Variants in TMEM14A observed in about 807,000 individuals in gnomAD.
TMEM14A encodes transmembrane protein 14A.
In TMEM14A, 8 loss-of-function variants were observed where a neutral mutation model predicts 11.6. That is an observed-to-expected ratio of 0.69 (90% CI 0.40 to 1.24). The LOEUF (loss-of-function observed/expected upper bound fraction) is 1.24, where lower values mean the gene tolerates loss of function less well. TMEM14A is among the 50% of genes most tolerant of loss of function. TMEM14A has a pLI of 0.01. For missense variants in TMEM14A, 108 were observed against 121.9 expected (o/e 0.89, Z 0.54); for synonymous variants, 34 against 45.5 (o/e 0.75, Z 1.02).
chr6:52,682,819 C>T (rs1039674083), intron 3 of TMEM14A, among the ~76,000 whole-genome samples: 1 of 152,058 alleles, frequency 6.6e-6, no homozygotes, highest in Non-Finnish European at 1.5e-5. Context: ...TAATCTCTTA[C>T]ATAAAACTAC....
intron 1 of TMEM14A, among the ~76,000 whole-genome samples, chr6:52,674,551 C>G (rs1261690765): frequency 2.0e-5 from 3 of 152,154 alleles, no homozygotes; most frequent in Admixed American, 1.3e-4. Context: ...TGAGTTGATA[C>G]ACATAAGGCA....
intron 1 of TMEM14A, among the ~76,000 whole-genome samples, chr6:52,675,042 C>T (rs2749046): frequency 0.66 from 99,707 of 151,870 alleles, 34,520 homozygotes; most frequent in East Asian, 0.81. Context: ...ATGCCACGTC[C>T]GGGTAATTTG....
intron 4 of TMEM14A, among the ~76,000 whole-genome samples, chr6:52,684,922 A>G (rs777965382): frequency 5.3e-5 from 8 of 152,234 alleles, no homozygotes; most frequent in Non-Finnish European, 1.0e-4. Context: ...GAGATGTTTG[A>G]AAAAATGTTT....
intron 2 of TMEM14A, among the ~76,000 whole-genome samples, chr6:52,680,655 G>GTATATATATATA (rs1561875017): frequency 4.5e-4 from 4 of 8,832 alleles, no homozygotes; most frequent in Admixed American, 1.8e-3. Flanking sequence ...ATATATGTGT[G>GTATATATATATA]TGTATATATA....
rs145486905 is a variant in TMEM14A, at chr6:52,686,315, T to A, written c.*266T>A. 5 of 397,294 alleles carry A rather than the reference T, an allele frequency of 1.3e-5. No individual in the cohort carries two copies. The highest frequency in any genetic ancestry group is 8.2e-5 in the African/African-American group (4 of 48,692). 24.6% of individuals were successfully genotyped at this position (397,294 alleles called of 1,614,324 possible). ...ATTTGTTGTGTCTATTTTTTATATA[T>A]TTGGTATTTTTTGAAAATTCCAAAT... On this transcript the variant is annotated 3_prime_UTR_variant, in exon 5 of 5. Coordinates refer to ENST00000211314, the MANE Select transcript of TMEM14A (RefSeq NM_014051.4).
chr6:52,679,212 C>T (rs918821839), intron 2 of TMEM14A, among the ~76,000 whole-genome samples: 1 of 152,152 alleles, frequency 6.6e-6, no homozygotes, highest in Non-Finnish European at 1.5e-5. Flanking sequence ...ACACAGGATG[C>T]TGAGCACTGT....
At chr6:52,682,891 T>C (rs1769418031) in intron 3 of TMEM14A, among the ~76,000 whole-genome samples, 1 of 152,212 alleles carries the variant, frequency 6.6e-6, no homozygotes, top group Non-Finnish European at 1.5e-5. Context: ...AAAATACTAT[T>C]GCTTAGACTA....
chr6:52,678,315 GTGTATGTGTGTGTTTGTGTGT>G (rs1769299573), intron 2 of TMEM14A, among the ~76,000 whole-genome samples: 1 of 32,854 alleles, frequency 3.0e-5, no homozygotes, highest in African/African-American at 1.3e-4. Flanking sequence ...TAGAGAGTGT[GTGTATGTGTGTGTTTGTGTGT>G]GTGTGTGTGT....
intron 3 of TMEM14A, among the ~76,000 whole-genome samples, chr6:52,683,250 A>G (rs1769424547): frequency 1.3e-5 from 2 of 152,144 alleles, no homozygotes; most frequent in South Asian, 4.1e-4. Flanking sequence ...ACTTGAGGCC[A>G]GGAGTTCAAG....
At chr6:52,677,466 T>C (rs972664622) in intron 2 of TMEM14A, among the ~76,000 whole-genome samples, 5 of 119,812 alleles carry the variant, frequency 4.2e-5, no homozygotes, top group African/African-American at 1.4e-4. Context: ...CTGCTTATTA[T>C]TAAATGAGGA....
rs1310594812 is a variant in TMEM14A, at chr6:52,680,693, A to ATG, written c.71-1119_71-1118insGT. Among the ~76,000 whole-genome samples the ATG allele has an allele frequency of 5.1e-4, 16 of 31,474 alleles. 1 individual carries two copies. The highest frequency in any genetic ancestry group is 1.3e-3 in the African/African-American group (15 of 11,208). The allele number at this position is 31,474 out of a possible 152,430, so 20.6% of individuals were successfully genotyped here. On this transcript the variant is annotated intron_variant, in intron 2 of 4. Transcript: ENST00000211314. ...TGTATATATATATATACATATATGT[A>ATG]TATATATATATACACATATATATAT...
At chr6:52,682,987 A>G (rs892242262) in intron 3 of TMEM14A, among the ~76,000 whole-genome samples, 2 of 151,670 alleles carry the variant, frequency 1.3e-5, no homozygotes, top group Non-Finnish European at 2.9e-5. Context: ...TTTTTTTTTT[A>G]TTAATCAGAT....
At chr6:52,682,316 C>G (rs1561875650) in intron 3 of TMEM14A, among the ~76,000 whole-genome samples, 1 of 152,212 alleles carries the variant, frequency 6.6e-6, no homozygotes. Context: ...TGCCTTAAGA[C>G]TTAACCTAAA....
chr6:52,683,736 C>T (rs1261288260), intron 3 of TMEM14A, among the ~76,000 whole-genome samples: 2 of 151,850 alleles, frequency 1.3e-5, no homozygotes, highest in African/African-American at 4.8e-5. Flanking sequence ...CTCAGCCTCC[C>T]GAGTAGCTGG....
chr6:52,673,829 T>C (rs1323635010), intron 1 of TMEM14A, among the ~76,000 whole-genome samples: 1 of 152,224 alleles, frequency 6.6e-6, no homozygotes, highest in Non-Finnish European at 1.5e-5. Context: ...TATGTTATAA[T>C]ACTATGGTAT....
intron 4 of TMEM14A, among the ~76,000 whole-genome samples, chr6:52,684,686 C>T (rs899794370): frequency 6.6e-6 from 1 of 152,098 alleles, no homozygotes; most frequent in Non-Finnish European, 1.5e-5. Flanking sequence ...AAGCATATTA[C>T]CAAATAAAAA....
intron 2 of TMEM14A, among the ~76,000 whole-genome samples, chr6:52,680,653 G>GTGTATATATA (rs1336856273): frequency 1.4e-3 from 39 of 27,016 alleles, no homozygotes; most frequent in East Asian, 3.1e-3. Context: ...ATATATATGT[G>GTGTATATATA]TGTGTATATA....
chr6:52,681,762 C>T, intron 2 of TMEM14A, 51 bp from the exon 3 acceptor site: 2 of 1,488,594 alleles, frequency 1.3e-6, no homozygotes, highest in Non-Finnish European at 1.9e-6. Flanking sequence ...GGAATGAATT[C>T]CTTTCCTTTT....
chr6:52,671,457 T>C (rs1454639761), intron 1 of TMEM14A, among the ~76,000 whole-genome samples: 1 of 152,154 alleles, frequency 6.6e-6, no homozygotes, highest in Non-Finnish European at 1.5e-5. Flanking sequence ...TTCTGCCTTC[T>C]GGTATCCCTA....
Sources: gnomAD v4.1 joint callset for allele counts (sites outside exome capture counted in the v4.1 genomes callset) on GRCh38, gnomAD v4.1.1 for gene constraint, MANE v1.5 for transcripts, NCBI Gene and HGNC (gene_info 2026-07-23, HGNC 2026-07-21) for gene names.